Variants in ABCA12 observed in about 807,000 individuals in gnomAD.
ABCA12 encodes the protein glucosylceramide transporter ABCA12.
ABCA12 carries 156 observed loss-of-function variants against 293.5 expected under a neutral mutation model. The ratio of observed to expected loss-of-function variants is 0.53; its 90% confidence interval spans 0.47 to 0.61. ABCA12 has a LOEUF of 0.61. ABCA12 is among the 20% of genes least tolerant of loss of function. ABCA12 has a pLI of 0.00. For missense variants in ABCA12, 2,797 were observed against 3,090.2 expected (o/e 0.91, Z 2.25); for synonymous variants, 1,063 against 1,108.0 (o/e 0.96, Z 0.81).
intron 1 of ABCA12, among the ~76,000 whole-genome samples, chr2:215,137,086 A>C (rs752582770): frequency 6.6e-6 from 1 of 152,022 alleles, no homozygotes; most frequent in Non-Finnish European, 1.5e-5. Flanking sequence ...TGAGTTTATA[A>C]TTTTATATTC....
intron 1 of ABCA12, among the ~76,000 whole-genome samples, chr2:215,118,977 AT>A (rs1458292060): frequency 6.6e-6 from 1 of 151,908 alleles, no homozygotes; most frequent in Non-Finnish European, 1.5e-5. Context: ...TCTATTGATA[AT>A]TATTATTTTA....
At chr2:215,120,506 T>C (rs34147010) in intron 1 of ABCA12, among the ~76,000 whole-genome samples, 4 of 151,230 alleles carry the variant, frequency 2.6e-5, no homozygotes, top group African/African-American at 9.7e-5. Context: ...TGAAAAAGGG[T>C]CAAACAGAAG....
In ABCA12 at chr2:215,033,666, G is replaced by T. The variant is rs138340533; in HGVS notation, c.986-1770C>A. Among the ~76,000 whole-genome samples the T allele has an allele frequency of 4.9e-3, 739 of 152,200 alleles. 5 individuals carry two copies. The highest frequency in any genetic ancestry group is 0.017 in the African/African-American group (691 of 41,520). ...ACTTAAAATTGTATTCACAGGCCGG[G>T]CACAGTGGCTCATGCCTGTAATCCC... On this transcript the variant is annotated intron_variant, in intron 8 of 52. Coordinates refer to ENST00000272895, the MANE Select transcript of ABCA12 (RefSeq NM_173076.3).
At chr2:214,947,674 G>C (rs1297437147) in intron 47 of ABCA12, 118 bp from the exon 48 acceptor site, 69 of 1,100,286 alleles carry the variant, frequency 6.3e-5, no homozygotes, top group Non-Finnish European at 8.5e-5. Flanking sequence ...AATATATCTG[G>C]AAAAAAATGA....
chr2:214,948,196 A>G (rs73088458), intron 47 of ABCA12, among the ~76,000 whole-genome samples: 3,736 of 152,312 alleles, frequency 0.025, 163 homozygotes, highest in African/African-American at 0.084. Flanking sequence ...ATTAAAAACC[A>G]AAGTGGAAAC....
At chr2:215,025,870 T>C (rs1700734554) in intron 10 of ABCA12, 91 bp from the exon 11 acceptor site, 1 of 865,192 alleles carries the variant, frequency 1.2e-6, no homozygotes, top group Non-Finnish European at 1.9e-6. Context: ...GACTTATTAC[T>C]AAATTTTTCC....
chr2:215,007,869 A>G, intron 18 of ABCA12, 23 bp from the exon 19 acceptor site: 1 of 1,613,558 alleles, frequency 6.2e-7, no homozygotes, highest in Non-Finnish European at 8.5e-7. Flanking sequence ...GAAACAAAAG[A>G]AGTGTGATCC....
intron 18 of ABCA12, among the ~76,000 whole-genome samples, chr2:215,008,225 G>T (rs1700295484): frequency 6.6e-6 from 1 of 152,136 alleles, no homozygotes; most frequent in Non-Finnish European, 1.5e-5. Flanking sequence ...TTGCTGCTGA[G>T]AATAGATGTT....
Position 214,989,040 on chromosome 2 carries a change from G to A in ABCA12, c.3829+289C>T, listed in dbSNP as rs930101731. Reference sequence around the variant, plus strand: ...TTAAAAATACAAAAATTAGCCGGGCGTGGTGGCACGTGCCTATAATCCCAG... The same window carrying A: ...TTAAAAATACAAAAATTAGCCGGGCATGGTGGCACGTGCCTATAATCCCAG... On this transcript the variant is annotated intron_variant, in intron 26 of 52. Transcript: ENST00000272895. Among the ~76,000 whole-genome samples, 30 of 149,928 alleles carry A rather than the reference G, an allele frequency of 2.0e-4. 1 individual carries two copies. Among genetic ancestry groups the A allele is most frequent in the Admixed American group, 6.6e-4 (10 of 15,046 alleles).
At chr2:214,938,117 C>T (rs900159587) in intron 50 of ABCA12, among the ~76,000 whole-genome samples, 1 of 151,836 alleles carries the variant, frequency 6.6e-6, no homozygotes, top group Non-Finnish European at 1.5e-5. Context: ...CCCCCCACCC[C>T]CCAACAGACC....
chr2:214,992,005 C>T (rs1348754889), intron 23 of ABCA12, among the ~76,000 whole-genome samples: 1 of 152,032 alleles, frequency 6.6e-6, no homozygotes, highest in African/African-American at 2.4e-5. Flanking sequence ...ACGCTGTGCA[C>T]ATGTATCCCA....
At chr2:214,932,905 C>G (rs1698105641) in intron 52 of ABCA12, among the ~76,000 whole-genome samples, 164 bp from the exon 53 acceptor site, 1 of 152,130 alleles carries the variant, frequency 6.6e-6, no homozygotes, top group Non-Finnish European at 1.5e-5. Flanking sequence ...TACATGCTTG[C>G]ACTAGGAGTC....
At chr2:214,935,979 T>C (rs1698206794) in intron 51 of ABCA12, among the ~76,000 whole-genome samples, 1 of 152,170 alleles carries the variant, frequency 6.6e-6, no homozygotes. Flanking sequence ...ATTTATGGAG[T>C]ATCTTTGTGG....
intron 3 of ABCA12, among the ~76,000 whole-genome samples, chr2:215,059,529 A>C (rs1365927506): frequency 6.6e-6 from 1 of 152,052 alleles, no homozygotes; most frequent in Non-Finnish European, 1.5e-5. Flanking sequence ...TAAGATTTAG[A>C]AATGACTTAA....
chr2:214,956,133 G>T (rs543659391), intron 42 of ABCA12, among the ~76,000 whole-genome samples: 9 of 152,102 alleles, frequency 5.9e-5, no homozygotes, highest in Non-Finnish European at 1.0e-4. Flanking sequence ...GCTAATTAAG[G>T]GTTACTACCA....
intron 29 of ABCA12, among the ~76,000 whole-genome samples, chr2:214,982,649 G>A (rs927717166): frequency 2.6e-5 from 4 of 151,910 alleles, no homozygotes; most frequent in Admixed American, 6.5e-5. Context: ...AAAACACAAA[G>A]GAATATATAA....
At chr2:214,991,491 T>TA (rs1305022334) in intron 23 of ABCA12, among the ~76,000 whole-genome samples, 1 of 152,156 alleles carries the variant, frequency 6.6e-6, no homozygotes, top group Admixed American at 6.6e-5. Context: ...TTTTTTTTTT[T>TA]ACTAAACACT....
At chr2:215,063,919 C>A in intron 3 of ABCA12, 147 bp downstream of exon 3, 1 of 986,918 alleles carries the variant, frequency 1.0e-6, no homozygotes, top group Non-Finnish European at 1.6e-6. Flanking sequence ...TTTATACCTA[C>A]TTTGTTATTT....
intron 14 of ABCA12, among the ~76,000 whole-genome samples, chr2:215,016,625 C>T (rs1700512927): frequency 9.9e-6 from 1 of 100,546 alleles, no homozygotes; most frequent in Non-Finnish European, 2.2e-5. Context: ...GACTTTGCTC[C>T]CTTTAAAATC....
Sources: gnomAD v4.1 joint callset for allele counts (sites outside exome capture counted in the v4.1 genomes callset) on GRCh38, gnomAD v4.1.1 for gene constraint, MANE v1.5 for transcripts, NCBI Gene and HGNC (gene_info 2026-07-23, HGNC 2026-07-21) for gene names.